FRY: variants seen among roughly 807,000 people sequenced by gnomAD.
FRY encodes protein furry homolog.
A neutral mutation model predicts 348.4 loss-of-function variants in FRY; 128 were observed. That is an observed-to-expected ratio of 0.37 (90% CI 0.32 to 0.43). The LOEUF (loss-of-function observed/expected upper bound fraction) is 0.43. Among genes scored for constraint, FRY ranks in the 20% least tolerant of loss-of-function variants. The pLI, the probability that FRY is intolerant of heterozygous loss-of-function variation, is 1.00. For missense variants in FRY, 2,736 were observed against 3,695.2 expected, an observed-to-expected ratio of 0.74 and a Z score of 6.73; for synonymous variants, 1,370 against 1,374.7, an observed-to-expected ratio of 1.00 and a Z score of 0.08.
rs534914554 is a variant in FRY, at chr13:32,143,778, C to T, written c.1180-3504C>T. On this transcript the variant is annotated intron_variant, in intron 11 of 60. Coordinates refer to ENST00000542859, the MANE Select transcript of FRY (RefSeq NM_023037.3). ...GGGGCTACATTTCCCTTGTTTGCTGCTTGATGGCAGGTGTCTTCTACATAA... is the reference window on the plus strand; with the variant it reads ...GGGGCTACATTTCCCTTGTTTGCTGTTTGATGGCAGGTGTCTTCTACATAA... Among the ~76,000 whole-genome samples the T allele has an allele frequency of 2.0e-5, 3 of 152,246 alleles. No homozygotes were observed. In the South Asian group the frequency reaches 6.2e-4, roughly 32 times the overall value.
chr13:32,205,862 A>G (rs1884324353), intron 31 of FRY, among the ~76,000 whole-genome samples: 1 of 151,904 alleles, frequency 6.6e-6, no homozygotes, highest in South Asian at 2.1e-4. Flanking sequence ...CCAAGGAGGA[A>G]ATAATAAATG....
chr13:32,114,748 A>G (rs1344745661), intron 3 of FRY, among the ~76,000 whole-genome samples: 1 of 152,218 alleles, frequency 6.6e-6, no homozygotes. Context: ...TCTCAATTCA[A>G]AACATTTTAG....
At position 32,267,263 on chromosome 13, in the gene FRY, C is replaced by G. The variant is rs745891495; in HGVS notation, c.8040C>G (p.Ala2680=). ...TTCAGCCCGCAGCCTGTGACGATGC[C>G]GAGGAGGCCTGGCGCAGCCACATCA... is the stretch of plus-strand genomic sequence containing the variant. ...AAFQPAACDD[A]EEAWRSHINQ... is the part of the protein sequence containing the mutation. The change falls in exon 55 of 61, where the codon GCC becomes GCG. Residue 2680 remains alanine, a synonymous_variant. Coordinates refer to ENST00000542859, the MANE Select transcript of FRY (RefSeq NM_023037.3). The G allele has an allele frequency of 2.0e-5, 32 of 1,614,010 alleles. No individual in the cohort carries two copies. In the East Asian group the frequency reaches 6.5e-4, roughly 33 times the overall value.
intron 17 of FRY, among the ~76,000 whole-genome samples, chr13:32,170,464 C>T (rs760882481): frequency 5.9e-5 from 9 of 152,150 alleles, no homozygotes; most frequent in Non-Finnish European, 1.0e-4. Flanking sequence ...GCCCGAAGAA[C>T]GCTATATCGG....
chr13:32,167,010 A>C (rs1432563020), intron 17 of FRY, among the ~76,000 whole-genome samples: 2 of 152,180 alleles, frequency 1.3e-5, no homozygotes, highest in African/African-American at 2.4e-5. Flanking sequence ...AAGAGTCCTG[A>C]AAATGATCCT....
At chr13:32,153,383 A>G (rs1231688490) in intron 14 of FRY, among the ~76,000 whole-genome samples, 2 of 152,220 alleles carry the variant, frequency 1.3e-5, no homozygotes, top group Non-Finnish European at 2.9e-5. Flanking sequence ...CAAACTGCTG[A>G]TACTTGCAAT....
intron 2 of FRY, among the ~76,000 whole-genome samples, chr13:32,099,009 G>A (rs547108776): frequency 6.6e-6 from 1 of 152,048 alleles, no homozygotes; most frequent in South Asian, 2.1e-4. Flanking sequence ...AACAAAGACA[G>A]TTGGGGCAGG....
intron 28 of FRY, among the ~76,000 whole-genome samples, chr13:32,193,929 T>C (rs1883514087): frequency 6.6e-6 from 1 of 152,240 alleles, no homozygotes; most frequent in African/African-American, 2.4e-5. Flanking sequence ...ATGGACCCTA[T>C]GTAACAGACT....
intron 51 of FRY, among the ~76,000 whole-genome samples, chr13:32,255,278 C>A (rs1262583687): frequency 2.0e-5 from 3 of 152,192 alleles, no homozygotes; most frequent in Non-Finnish European, 2.9e-5. Flanking sequence ...GCTAGTCCTA[C>A]AATTGAAGAG....
intron 55 of FRY, among the ~76,000 whole-genome samples, chr13:32,274,528 C>T (rs907706492): frequency 1.6e-4 from 24 of 151,506 alleles, no homozygotes; most frequent in Admixed American, 3.9e-4. Flanking sequence ...CACAGTGAAA[C>T]CCCGTCTCTA....
chr13:32,220,386 A>C (rs993673228), intron 36 of FRY, among the ~76,000 whole-genome samples: 1 of 152,226 alleles, frequency 6.6e-6, no homozygotes, highest in African/African-American at 2.4e-5. Context: ...AGTTTCAGCT[A>C]TGTCCCTATA....
chr13:32,242,062 A>G (rs1159147226), intron 46 of FRY, among the ~76,000 whole-genome samples: 3 of 152,238 alleles, frequency 2.0e-5, no homozygotes, highest in Non-Finnish European at 4.4e-5. Context: ...CTGGAAGTCT[A>G]TCAGGTTAAG....
In FRY at chr13:32,234,644, T is replaced by C. The variant is rs767994707; in HGVS notation, c.5598T>C (p.Tyr1866=). The change falls in exon 42 of 61, where the codon TAT becomes TAC. Residue 1866 remains tyrosine (Y), a synonymous_variant. Coordinates refer to ENST00000542859, the MANE Select transcript of FRY (RefSeq NM_023037.3). ...QTALASSSRH[Y]AGRSFQIFRA... ...CCCTCGCAAGCTCTTCAAGGCACTATGCTGGTCGGTCCTTCCAGATATTCC... is the reference window on the plus strand; with the variant it reads ...CCCTCGCAAGCTCTTCAAGGCACTACGCTGGTCGGTCCTTCCAGATATTCC... 7 of 1,614,058 alleles carry C rather than the reference T, an allele frequency of 4.3e-6. No homozygotes were observed. The Admixed American group carries it at 1.2e-4, about 27-fold the overall frequency.
rs201384079 is a variant in FRY at position 32,194,310 on chromosome 13, A to T, written c.3746+13A>T. 3.4e-4 allele frequency: 555 copies of T among 1,612,528 alleles called. 3 individuals are homozygous for T. The highest frequency in any genetic ancestry group is 3.3e-4 in the Middle Eastern group (2 of 6,080). On this transcript the variant is annotated intron_variant, in intron 29 of 60. Coordinates refer to ENST00000542859, the MANE Select transcript of FRY (RefSeq NM_023037.3). ...TGTGTGGAAGCAGGTACGAATTTTT[A>T]TAAGCAGTGATGAGTGGCAAGTATG... is the stretch of plus-strand genomic sequence containing the variant.
At chr13:32,105,011 C>A (rs1315516356) in intron 3 of FRY, among the ~76,000 whole-genome samples, 3 of 152,158 alleles carry the variant, frequency 2.0e-5, no homozygotes, top group African/African-American at 7.2e-5. Flanking sequence ...AGCGTGAGAA[C>A]AGACTAATAT....
At chr13:32,085,807 TTATCAATACTGTCA>T (rs775933225) in intron 2 of FRY, 22 of 506,136 alleles carry the variant, frequency 4.3e-5, no homozygotes, top group South Asian at 3.2e-4. Context: ...CTGTTGCCAT[TTATCAATACTGTCA>T]GGTGCCTGTC....
chr13:32,214,719 C>T (rs1025670637), intron 35 of FRY, among the ~76,000 whole-genome samples: 1 of 152,182 alleles, frequency 6.6e-6, no homozygotes, highest in Non-Finnish European at 1.5e-5. Context: ...AGTAACCCAT[C>T]TTGGAGGACA....
intron 40 of FRY, among the ~76,000 whole-genome samples, chr13:32,229,273 C>T (rs1240137191): frequency 6.6e-6 from 1 of 152,074 alleles, no homozygotes; most frequent in Non-Finnish European, 1.5e-5. Context: ...TTTCTAACAC[C>T]CTGCGGTCTG....
intron 11 of FRY, among the ~76,000 whole-genome samples, chr13:32,144,858 G>T (rs58214747): frequency 0.033 from 4,988 of 152,238 alleles, 104 homozygotes; most frequent in Middle Eastern, 0.1. Context: ...CTCCCCATAG[G>T]TAAGGAGTGG....
Sources: gnomAD v4.1 joint callset for allele counts (sites outside exome capture counted in the v4.1 genomes callset) on GRCh38, gnomAD v4.1.1 for gene constraint, MANE v1.5 for transcripts, NCBI Gene and HGNC (gene_info 2026-07-23, HGNC 2026-07-21) for gene names.